MACROD2: variants seen among roughly 807,000 people sequenced by gnomAD.
The protein encoded by MACROD2 is ADP-ribose glycohydrolase MACROD2.
MACROD2 carries 36 observed loss-of-function variants against 70.4 expected under a neutral mutation model. That is an observed-to-expected ratio of 0.51 (90% CI 0.39 to 0.68). MACROD2 has a LOEUF of 0.68. Ranked by LOEUF, MACROD2 falls within the 30% of genes least tolerant of loss-of-function variation. MACROD2 has a pLI of 0.00. For synonymous variants in MACROD2, 172 were observed against 178.8 expected (o/e 0.96, Z 0.30); for missense variants, 496 against 538.4 (o/e 0.92, Z 0.78).
intron 2 of MACROD2, among the ~76,000 whole-genome samples, chr20:14,003,062 G>A (rs1049123022): frequency 3.3e-5 from 5 of 152,168 alleles, no homozygotes; most frequent in Admixed American, 1.3e-4. Context: ...ATTAACACTC[G>A]TTGGTATTAA....
intron 5 of MACROD2, among the ~76,000 whole-genome samples, chr20:15,141,371 C>T (rs390502): frequency 3.4e-5 from 5 of 148,616 alleles, no homozygotes; most frequent in African/African-American, 1.2e-4. Flanking sequence ...TTCAGGTACT[C>T]GCATACATAC....
At chr20:15,105,152 T>G (rs1471315263) in intron 5 of MACROD2, among the ~76,000 whole-genome samples, 1 of 152,178 alleles carries the variant, frequency 6.6e-6, no homozygotes, top group Non-Finnish European at 1.5e-5. Flanking sequence ...CATGTGGAAC[T>G]GGAAGGCCTA....
intron 3 of MACROD2, among the ~76,000 whole-genome samples, chr20:14,476,301 T>C (rs1353069064): frequency 6.6e-6 from 1 of 152,202 alleles, no homozygotes; most frequent in African/African-American, 2.4e-5. Context: ...TCTTGACTAC[T>C]GAGCTACTAA....
chr20:14,607,780 T>G (rs1982900128), intron 4 of MACROD2, among the ~76,000 whole-genome samples: 1 of 152,152 alleles, frequency 6.6e-6, no homozygotes, highest in African/African-American at 2.4e-5. Flanking sequence ...ACACAATAAA[T>G]TCCATGCCAT....
chr20:15,674,035 G>T (rs942643122), intron 8 of MACROD2, among the ~76,000 whole-genome samples: 1 of 152,166 alleles, frequency 6.6e-6, no homozygotes, highest in South Asian at 2.1e-4. Flanking sequence ...TTGCATGTGC[G>T]TATGAATCAT....
At chr20:14,345,660 C>T (rs545980558) in intron 3 of MACROD2, among the ~76,000 whole-genome samples, 13 of 152,080 alleles carry the variant, frequency 8.5e-5, no homozygotes, top group South Asian at 4.2e-4. Context: ...GAACTCCTGA[C>T]GTCAGGTGAT....
At chr20:14,679,917 T>C (rs943017541) in intron 4 of MACROD2, among the ~76,000 whole-genome samples, 2 of 152,228 alleles carry the variant, frequency 1.3e-5, no homozygotes, top group African/African-American at 4.8e-5. Context: ...AAATTGTTTA[T>C]TGGCACTAGC....
intron 4 of MACROD2, among the ~76,000 whole-genome samples, chr20:14,565,801 A>G (rs1979760669): frequency 6.6e-6 from 1 of 151,838 alleles, no homozygotes; most frequent in Non-Finnish European, 1.5e-5. Context: ...GCATGACCCA[A>G]GGGGCTTACT....
intron 8 of MACROD2, among the ~76,000 whole-genome samples, chr20:15,587,679 A>T (rs1396753564): frequency 1.3e-5 from 2 of 152,182 alleles, no homozygotes; most frequent in Admixed American, 1.3e-4. Context: ...GGGCCCATGC[A>T]AGTCTGAAAT....
At chr20:14,158,476 T>C (rs111953096) in intron 3 of MACROD2, among the ~76,000 whole-genome samples, 28 of 152,188 alleles carry the variant, frequency 1.8e-4, no homozygotes, top group African/African-American at 6.8e-4. Context: ...TCTGTGCTTT[T>C]GAGGTCTTAG....
At chr20:15,121,924 T>G (rs183452759) in intron 5 of MACROD2, among the ~76,000 whole-genome samples, 9 of 152,244 alleles carry the variant, frequency 5.9e-5, no homozygotes, top group Admixed American at 5.9e-4. Flanking sequence ...TTTGTTTTCC[T>G]TACAAAGAAG....
intron 8 of MACROD2, among the ~76,000 whole-genome samples, chr20:15,737,618 G>A (rs903202020): frequency 6.6e-6 from 1 of 152,196 alleles, no homozygotes; most frequent in African/African-American, 2.4e-5. Flanking sequence ...ACATGGATGT[G>A]AAGAACAGTG....
At chr20:14,640,407 G>A (rs188982976) in intron 4 of MACROD2, among the ~76,000 whole-genome samples, 2 of 152,242 alleles carry the variant, frequency 1.3e-5, no homozygotes, top group Non-Finnish European at 2.9e-5. Flanking sequence ...TTAGTGAAAA[G>A]GATATTTTTT....
intron 8 of MACROD2, among the ~76,000 whole-genome samples, chr20:15,555,855 G>GGAAAA (rs1418621843): frequency 5.4e-5 from 5 of 92,400 alleles, no homozygotes; most frequent in African/African-American, 1.1e-4. Flanking sequence ...AAAAAAAAAA[G>GGAAAA]GAAAAGAAAA....
intron 3 of MACROD2, among the ~76,000 whole-genome samples, chr20:14,433,586 AAAC>A (rs1270476379): frequency 6.6e-6 from 1 of 152,116 alleles, no homozygotes; most frequent in Non-Finnish European, 1.5e-5. Flanking sequence ...ATTCTTATTT[AAAC>A]AGTGCAACCA....
At chr20:15,163,890 A>G (rs1451742268) in intron 5 of MACROD2, among the ~76,000 whole-genome samples, 1 of 152,168 alleles carries the variant, frequency 6.6e-6, no homozygotes, top group Non-Finnish European at 1.5e-5. Context: ...ATCAAAACCC[A>G]TTATATGCTG....
chr20:14,846,759 C>T (rs894324826), intron 5 of MACROD2, among the ~76,000 whole-genome samples: 10 of 151,056 alleles, frequency 6.6e-5, no homozygotes, highest in East Asian at 3.9e-4. Flanking sequence ...CCTTGTGATC[C>T]GCCTGTCTCG....
At chr20:15,296,603 AAAAC>A (rs1244085584) in intron 6 of MACROD2, among the ~76,000 whole-genome samples, 1 of 152,216 alleles carries the variant, frequency 6.6e-6, no homozygotes, top group Non-Finnish European at 1.5e-5. Flanking sequence ...TAAAATTTGA[AAAAC>A]AAACAGAAGC....
intron 4 of MACROD2, among the ~76,000 whole-genome samples, chr20:14,499,792 C>G (rs898638118): frequency 3.3e-5 from 5 of 151,998 alleles, no homozygotes; most frequent in Admixed American, 6.6e-5. Flanking sequence ...CCTTCCTTTC[C>G]CTGTTTCCCT....
Sources: gnomAD v4.1 joint callset for allele counts (sites outside exome capture counted in the v4.1 genomes callset) on GRCh38, gnomAD v4.1.1 for gene constraint, MANE v1.5 for transcripts, NCBI Gene and HGNC (gene_info 2026-07-23, HGNC 2026-07-21) for gene names.